The following DEF6 variants were observed in gnomAD, a reference collection of about 807,000 sequenced individuals.
DEF6 encodes the protein DEF6 guanine nucleotide exchange factor, also known as differentially expressed in FDCP 6 homolog.
DEF6 carries 32 observed loss-of-function variants against 80.5 expected under a neutral mutation model. The ratio of observed to expected loss-of-function variants is 0.40; its 90% confidence interval spans 0.30 to 0.53. The LOEUF is 0.53. Among genes scored for constraint, DEF6 ranks in the 20% least tolerant of loss-of-function variants. The pLI is 0.57. For synonymous variants in DEF6, 300 were observed against 337.9 expected (o/e 0.89, Z 1.23); for missense variants, 575 against 818.7 (o/e 0.70, Z 3.63).
At chr6:35,308,736 T>TAATAA (rs1244823378) in intron 1 of DEF6, among the ~76,000 whole-genome samples, 128 of 141,910 alleles carry the variant, frequency 9.0e-4, no homozygotes, top group African/African-American at 2.4e-3. Flanking sequence ...ATAAATAAAA[T>TAATAA]AATAAAATAA....
chr6:35,313,816 A>C (rs1185413247), intron 5 of DEF6, among the ~76,000 whole-genome samples: 1 of 152,208 alleles, frequency 6.6e-6, no homozygotes, highest in Non-Finnish European at 1.5e-5. Context: ...TATTATATAT[A>C]TCACATTTTC....
rs768717318 is a variant in DEF6, at chr6:35,313,137, T to TCTCCTTCCATACCCCTCTC, written c.807+369_807+387dup. Among the ~76,000 whole-genome samples, 1,282 of 152,214 alleles carry TCTCCTTCCATACCCCTCTC rather than the reference T, an allele frequency of 8.4e-3. 5 individuals are homozygous for TCTCCTTCCATACCCCTCTC. The highest frequency in any genetic ancestry group is 0.015 in the South Asian group (72 of 4,826). Reference sequence around the variant, plus strand: ...CTTTAGCAACTCTGTACTTCCCTATTCTCCTTCCATACCCCTCTCCTCTGT... The same window carrying TCTCCTTCCATACCCCTCTC: ...CTTTAGCAACTCTGTACTTCCCTATTCTCCTTCCATACCCCTCTCCTCCTTCCATACCCCTCTCCTCTGT... On this transcript the variant is annotated intron_variant, in intron 5 of 10. Coordinates refer to ENST00000316637, the MANE Select transcript of DEF6 (RefSeq NM_022047.4).
At chr6:35,317,719 G>A in intron 5 of DEF6, 172 bp from the exon 6 acceptor site, 1 of 579,120 alleles carries the variant, frequency 1.7e-6, no homozygotes. Flanking sequence ...CAGAGTTGTG[G>A]GGACTTAAGT....
In DEF6 at chr6:35,321,212, C is replaced by A. The variant is rs772238988; in HGVS notation, c.1698C>A (p.Ser566=). ...ATAAGCGTCCGGTCACCAGCAGCTC[C>A]TTCTCAGGCTTCCAGCCCCCTCTGC... ...PGDKRPVTSS[S]FSGFQPPLLA... is the part of the protein sequence containing the mutation. The change falls in exon 11 of 11, where the codon TCC becomes TCA. Residue 566 remains serine, a synonymous_variant. Transcript: ENST00000316637. The A allele has an allele frequency of 6.2e-7, 1 of 1,612,920 alleles. No individual in the cohort carries two copies. Among genetic ancestry groups the A allele is most frequent in the Non-Finnish European group, 8.5e-7 (1 of 1,179,974 alleles).
At chr6:35,306,194 C>A (rs935613121) in intron 1 of DEF6, among the ~76,000 whole-genome samples, 2 of 149,384 alleles carry the variant, frequency 1.3e-5, no homozygotes, top group African/African-American at 2.5e-5. Flanking sequence ...GCACCCGGCC[C>A]AAAAAAATTT....
chr6:35,314,517 G>A (rs1306445233), intron 5 of DEF6, among the ~76,000 whole-genome samples: 2 of 151,434 alleles, frequency 1.3e-5, no homozygotes, highest in African/African-American at 4.9e-5. Flanking sequence ...CTGATGATTA[G>A]TGACATTGAG....
chr6:35,308,194 T>C (rs917128990), intron 1 of DEF6, among the ~76,000 whole-genome samples: 12 of 152,122 alleles, frequency 7.9e-5, no homozygotes, highest in Non-Finnish European at 1.5e-4. Flanking sequence ...GGCTTAATAA[T>C]ATTTGCGTAT....
chr6:35,321,285 C>G lies in DEF6; in HGVS notation c.1771C>G (p.Gln591Glu). The G allele has an allele frequency of 6.2e-7, 1 of 1,614,050 alleles. No individual in the cohort carries two copies. Among genetic ancestry groups the G allele is most frequent in the Non-Finnish European group, 8.5e-7 (1 of 1,180,002 alleles). ...SLKRLTRWGS[Q>E]GNRTPSPNSN... Reference sequence around the variant, plus strand: ...AAAGCGCCTGACCCGCTGGGGATCCCAGGGCAACAGGACCCCCTCGCCCAA... The same window carrying G: ...AAAGCGCCTGACCCGCTGGGGATCCGAGGGCAACAGGACCCCCTCGCCCAA... Residue 591 changes from glutamine to glutamate, a missense_variant, in exon 11 of 11, where the codon CAG becomes GAG. By Grantham distance (29) the Gln-to-Glu change is conservative. Transcript: ENST00000316637.
rs1005606816 is a variant in DEF6 at position 35,320,947 on chromosome 6, C to T, written c.1645C>T (p.Arg549Trp). ...GAAACACTGGAATGTCCAGATGAAC[C>T]GGCTGATGCATCCAATTGAGCCTGG... is the stretch of plus-strand genomic sequence containing the variant. ...NVKHWNVQMN[R>W]LMHPIEPGDK... Residue 549 changes from arginine to tryptophan, a missense_variant, in exon 10 of 11, where the codon CGG becomes TGG. Arg to Trp is a moderately radical substitution (Grantham distance 101). Coordinates refer to ENST00000316637, the MANE Select transcript of DEF6 (RefSeq NM_022047.4). 5.6e-6 allele frequency: 9 copies of T among 1,612,588 alleles called. No individual in the cohort carries two copies. Among genetic ancestry groups the T allele is most frequent in the African/African-American group, 1.3e-5 (1 of 74,834 alleles).
chr6:35,315,123 G>A (rs1356056909), intron 5 of DEF6, among the ~76,000 whole-genome samples: 1 of 152,110 alleles, frequency 6.6e-6, no homozygotes, highest in Non-Finnish European at 1.5e-5. Flanking sequence ...TGTTCCATTG[G>A]TCTTTGTGTC....
chr6:35,318,155 G>A lies in DEF6; in HGVS notation c.917-18G>A, dbSNP rs1028182978. On this transcript the variant is annotated intron_variant, in intron 6 of 10. Transcript: ENST00000316637. The surrounding 1 kb of genome is among the most constrained non-coding windows in gnomAD (Gnocchi z 5.1). ...CCGTGTGCGAGGATCCTACTGACCC[G>A]CTCCCGCTCTTCGGCAGCCATCCAG... is the stretch of plus-strand genomic sequence containing the variant. The A allele has an allele frequency of 2.6e-6, 4 of 1,541,114 alleles. No individual in the cohort carries two copies. The East Asian group carries it at 6.8e-5, about 26-fold the overall frequency.
At chr6:35,314,019 AC>A (rs1200506404) in intron 5 of DEF6, among the ~76,000 whole-genome samples, 3 of 152,224 alleles carry the variant, frequency 2.0e-5, no homozygotes, top group African/African-American at 7.2e-5. Flanking sequence ...GAACCTTCAT[AC>A]AGTTTTCCAT....
chr6:35,302,491 G>A lies in DEF6; in HGVS notation c.96+4539G>A, dbSNP rs557750096. On this transcript the variant is annotated intron_variant, in intron 1 of 10. Coordinates refer to ENST00000316637, the MANE Select transcript of DEF6 (RefSeq NM_022047.4). Reference sequence around the variant, plus strand: ...GTTCTTGCTGACTGTTGCCAACATGGACCTGACACCCACACTTGAGTTTTT... The same window carrying A: ...GTTCTTGCTGACTGTTGCCAACATGAACCTGACACCCACACTTGAGTTTTT... Among the ~76,000 whole-genome samples, 11 of 152,260 alleles carry A rather than the reference G, an allele frequency of 7.2e-5. No homozygotes were observed. In the South Asian group the frequency reaches 1.9e-3, roughly 26 times the overall value.
In DEF6 at chr6:35,305,332, T is replaced by A. The variant is rs186714139; in HGVS notation, c.97-4338T>A. On this transcript the variant is annotated intron_variant, in intron 1 of 10. Coordinates refer to ENST00000316637, the MANE Select transcript of DEF6 (RefSeq NM_022047.4). Reference sequence around the variant, plus strand: ...GGCTAATTTTGGTATTACAAAAAAATTTTTTAACTTAGCTGAGCATGGTGA... The same window carrying A: ...GGCTAATTTTGGTATTACAAAAAAAATTTTTAACTTAGCTGAGCATGGTGA... Among the ~76,000 whole-genome samples the A allele has an allele frequency of 2.5e-4, 38 of 150,568 alleles. No individual in the cohort carries two copies. The East Asian group carries it at 6.9e-3, about 27-fold the overall frequency.
chr6:35,298,008 C>A, intron 1 of DEF6, 56 bp downstream of exon 1: 1 of 1,440,814 alleles, frequency 6.9e-7, no homozygotes, highest in Non-Finnish European at 9.5e-7. Context: ...CCAGCCCCTG[C>A]CGCCTGGGAG....
Position 35,318,488 on chromosome 6 carries a change from G to GCGC in DEF6, c.1215+20_1215+22dup. 2.2e-6 allele frequency: 3 copies of GCGC among 1,382,858 alleles called. No homozygotes were observed. Among genetic ancestry groups the GCGC allele is most frequent in the Non-Finnish European group, 2.8e-6 (3 of 1,076,974 alleles). 85.7% of individuals were successfully genotyped at this position (1,382,858 alleles called of 1,614,324 possible). ...GCGGAGCAGGTGGGGTTAGCTCCCGGCGCCGGGGACGGGACCGGTGGGCTG... is the reference window on the plus strand; with the variant it reads ...GCGGAGCAGGTGGGGTTAGCTCCCGGCGCCGCCGGGGACGGGACCGGTGGGCTG... On this transcript the variant is annotated intron_variant, in intron 7 of 10. Coordinates refer to ENST00000316637, the MANE Select transcript of DEF6 (RefSeq NM_022047.4). This position sits in a 1 kb window ranked among gnomAD's most constrained non-coding sequence, Gnocchi z 5.1.
chr6:35,313,775 A>G (rs1056646855), intron 5 of DEF6, among the ~76,000 whole-genome samples: 12 of 152,232 alleles, frequency 7.9e-5, no homozygotes, highest in Non-Finnish European at 1.6e-4. Context: ...GTTGCAAATG[A>G]CAAGATTTCA....
intron 5 of DEF6, among the ~76,000 whole-genome samples, chr6:35,317,250 A>G (rs1791533095): frequency 6.6e-6 from 1 of 152,254 alleles, no homozygotes; most frequent in African/African-American, 2.4e-5. Context: ...ACAGACTAAC[A>G]GTGTGAGGTG....
chr6:35,315,030 C>T (rs1025015785), intron 5 of DEF6, among the ~76,000 whole-genome samples: 2 of 152,134 alleles, frequency 1.3e-5, no homozygotes, highest in Non-Finnish European at 2.9e-5. Context: ...AAGGACTGTT[C>T]TTTCCCCATT....
Sources: allele counts gnomAD v4.1 joint callset (sites outside exome capture counted in the v4.1 genomes callset), GRCh38; gene constraint gnomAD v4.1.1; non-coding constraint Gnocchi (gnomAD v3.1); transcripts MANE v1.5; gene names NCBI Gene and HGNC (gene_info 2026-07-23, HGNC 2026-07-21).